The following CLDN10 variants were observed in gnomAD, a reference collection of about 807,000 sequenced individuals.
CLDN10 encodes the protein claudin 10, also known as claudin-10.
In CLDN10, 15 loss-of-function variants were observed where a neutral mutation model predicts 22.9. The observed-to-expected ratio is 0.65, with a 90% CI of 0.44 to 1.01. The LOEUF is 1.01. Among genes scored for constraint, CLDN10 ranks in the 50% least tolerant of loss-of-function variants. CLDN10 has a pLI of 0.00. For synonymous variants in CLDN10, 114 were observed against 111.4 expected (o/e 1.02, Z -0.15); for missense variants, 247 against 287.8 (o/e 0.86, Z 1.03).
chr13:95,491,850 T>C (rs1035073706), intron 1 of CLDN10, among the ~76,000 whole-genome samples: 5 of 152,056 alleles, frequency 3.3e-5, no homozygotes, highest in African/African-American at 4.8e-5. Flanking sequence ...TTTTGTCCCA[T>C]GGGGTGTTCC....
chr13:95,559,724 G>A (rs994008421), intron 1 of CLDN10, among the ~76,000 whole-genome samples: 6 of 152,138 alleles, frequency 3.9e-5, no homozygotes, highest in African/African-American at 1.4e-4. Context: ...GAGTTGTGAT[G>A]GTGGCAGATG....
intron 1 of CLDN10, among the ~76,000 whole-genome samples, chr13:95,518,766 A>T (rs9525007): frequency 0.86 from 130,979 of 151,768 alleles, 56,708 homozygotes; most frequent in South Asian, 0.93. Context: ...CAAAAAAAAA[A>T]AAATAAATAA....
intron 1 of CLDN10, among the ~76,000 whole-genome samples, chr13:95,442,776 G>A (rs1307652433): frequency 6.6e-6 from 1 of 152,226 alleles, no homozygotes; most frequent in Non-Finnish European, 1.5e-5. Flanking sequence ...AGCTAACGAT[G>A]CAAACTCGAG....
intron 1 of CLDN10, among the ~76,000 whole-genome samples, chr13:95,467,280 C>T (rs1163041374): frequency 6.6e-6 from 1 of 152,056 alleles, no homozygotes; most frequent in African/African-American, 2.4e-5. Flanking sequence ...GTATATATCT[C>T]TAAAATTTAA....
intron 1 of CLDN10, among the ~76,000 whole-genome samples, chr13:95,443,437 A>G (rs2042343136): frequency 6.6e-6 from 1 of 152,248 alleles, no homozygotes; most frequent in Admixed American, 6.5e-5. Context: ...ATGCACAGAC[A>G]TGGAAATAAC....
intron 1 of CLDN10, among the ~76,000 whole-genome samples, chr13:95,534,965 C>G (rs2043384993): frequency 6.6e-6 from 1 of 152,032 alleles, no homozygotes; most frequent in Non-Finnish European, 1.5e-5. Flanking sequence ...AAGCACGCCA[C>G]CAAGAATGAG....
intron 1 of CLDN10, among the ~76,000 whole-genome samples, chr13:95,491,227 T>C (rs2042869279): frequency 6.6e-6 from 1 of 152,190 alleles, no homozygotes; most frequent in Non-Finnish European, 1.5e-5. Flanking sequence ...TTCTTTTAAA[T>C]GGAGCATTTA....
At chr13:95,471,454 T>TATATATATA (rs201753710) in intron 1 of CLDN10, among the ~76,000 whole-genome samples, 94 of 81,196 alleles carry the variant, frequency 1.2e-3, no homozygotes, top group African/African-American at 3.6e-3. Context: ...TATATATATA[T>TATATATATA]TTTTTTTTTT....
At chr13:95,548,895 C>T (rs1308224138), upstream of CLDN10, among the ~76,000 whole-genome samples, 1 of 152,192 alleles carries the variant, frequency 6.6e-6, no homozygotes, top group Admixed American at 6.5e-5. Context: ...AAAGGCACAC[C>T]TGCGTTGCTT....
intron 1 of CLDN10, among the ~76,000 whole-genome samples, chr13:95,537,994 C>A (rs1009948350): frequency 6.6e-6 from 1 of 152,176 alleles, no homozygotes; most frequent in Non-Finnish European, 1.5e-5. Flanking sequence ...AAATGCAGAG[C>A]TAAATTCATA....
chr13:95,570,326 C>T (rs1382300891), intron 3 of CLDN10, among the ~76,000 whole-genome samples: 2 of 152,152 alleles, frequency 1.3e-5, no homozygotes, highest in Admixed American at 6.5e-5. Context: ...TATCCACACA[C>T]GAATGGAGAT....
chr13:95,577,013 C>G (rs1201991556), intron 3 of CLDN10, among the ~76,000 whole-genome samples: 1 of 152,164 alleles, frequency 6.6e-6, no homozygotes, highest in African/African-American at 2.4e-5. Flanking sequence ...CGTGGATGCC[C>G]TCATCTCCTT....
chr13:95,459,118 C>T (rs564628441), intron 1 of CLDN10, among the ~76,000 whole-genome samples: 2 of 152,312 alleles, frequency 1.3e-5, no homozygotes, highest in South Asian at 2.1e-4. Context: ...AGGTGGTCTC[C>T]CATGGCCTTG....
At chr13:95,529,449 C>G (rs1335855241) in intron 1 of CLDN10, among the ~76,000 whole-genome samples, 1 of 152,026 alleles carries the variant, frequency 6.6e-6, no homozygotes, top group African/African-American at 2.4e-5. Context: ...TGTTAAGAAC[C>G]ATTCGCCTTA....
intron 3 of CLDN10, among the ~76,000 whole-genome samples, chr13:95,570,539 ATC>A (rs1307766044): frequency 6.6e-6 from 1 of 152,074 alleles, no homozygotes; most frequent in African/African-American, 2.4e-5. Flanking sequence ...ACACTCACTG[ATC>A]ACTTTACACA....
chr13:95,573,063 G>A (rs1272432478), intron 3 of CLDN10, among the ~76,000 whole-genome samples: 2 of 152,198 alleles, frequency 1.3e-5, no homozygotes, highest in Admixed American at 6.5e-5. Flanking sequence ...AGAGCCATGG[G>A]CAACAGCCTA....
At chr13:95,550,431 G>A (rs2138637693), upstream of CLDN10, among the ~76,000 whole-genome samples, 1 of 152,158 alleles carries the variant, frequency 6.6e-6, no homozygotes, top group East Asian at 1.9e-4. Flanking sequence ...AGTAAGTCAG[G>A]GTTTTGTCTA....
At chr13:95,433,987 G>T (rs751873803) in exon 1 of CLDN10, 1 of 1,614,204 alleles carries the variant, frequency 6.2e-7, no homozygotes, top group Non-Finnish European at 8.5e-7. Context: ...GATGAACTGC[G>T]CAGGTAACGC....
intron 1 of CLDN10, among the ~76,000 whole-genome samples, chr13:95,440,708 T>C (rs1451203897): frequency 1.3e-5 from 2 of 152,174 alleles, no homozygotes; most frequent in Non-Finnish European, 2.9e-5. Context: ...AGGCATAATA[T>C]TATATGTGTA....
Sources: allele counts gnomAD v4.1 joint callset (sites outside exome capture counted in the v4.1 genomes callset), GRCh38; gene constraint gnomAD v4.1.1; transcripts MANE v1.5; gene names NCBI Gene and HGNC (gene_info 2026-07-23, HGNC 2026-07-21).